DCC: variants seen among roughly 807,000 people sequenced by gnomAD.
DCC encodes the protein netrin receptor DCC.
DCC carries 58 observed loss-of-function variants against 172.5 expected under a neutral mutation model. The ratio of observed to expected loss-of-function variants is 0.34; its 90% CI spans 0.27 to 0.42. DCC has a LOEUF of 0.42. Ranked by LOEUF, DCC falls within the 10% of genes least tolerant of loss-of-function variation. The pLI, the probability that DCC is intolerant of heterozygous loss-of-function variation, is 1.00. For missense variants in DCC, 1,740 were observed against 1,791.0 expected (o/e 0.97, Z 0.51); for synonymous variants, 709 against 644.5 (o/e 1.10, Z -1.52).
chr18:53,219,464 C>G (rs761166124), intron 12 of DCC, among the ~76,000 whole-genome samples: 1 of 152,064 alleles, frequency 6.6e-6, no homozygotes, highest in Non-Finnish European at 1.5e-5. Context: ...CCCTTTCCCC[C>G]CAAAACCCCA....
intron 15 of DCC, among the ~76,000 whole-genome samples, chr18:53,366,132 C>G (rs1361806550): frequency 6.6e-6 from 1 of 152,080 alleles, no homozygotes; most frequent in Non-Finnish European, 1.5e-5. Flanking sequence ...TCTTGGCTCA[C>G]TGCAATCTCC....
chr18:52,818,572 G>T (rs1238678309), intron 2 of DCC, among the ~76,000 whole-genome samples: 1 of 152,034 alleles, frequency 6.6e-6, no homozygotes, highest in Non-Finnish European at 1.5e-5. Flanking sequence ...CAAATGGCCT[G>T]CTCTGGGATA....
intron 1 of DCC, among the ~76,000 whole-genome samples, chr18:52,625,496 A>G (rs1450549145): frequency 1.3e-5 from 2 of 152,132 alleles, no homozygotes; most frequent in Admixed American, 1.3e-4. Context: ...GTCCTAGACC[A>G]TCTTCATTGA....
intron 1 of DCC, among the ~76,000 whole-genome samples, chr18:52,615,768 A>G (rs1300561044): frequency 1.3e-5 from 2 of 152,178 alleles, no homozygotes; most frequent in Non-Finnish European, 2.9e-5. Flanking sequence ...AGGAGCCTGT[A>G]AAGATTACTG....
intron 1 of DCC, among the ~76,000 whole-genome samples, chr18:52,725,039 G>A (rs779022908): frequency 2.6e-5 from 4 of 152,178 alleles, no homozygotes; most frequent in Admixed American, 1.3e-4. Context: ...GAACCTACCC[G>A]ATCTCTTTCA....
intron 7 of DCC, among the ~76,000 whole-genome samples, chr18:53,090,205 A>AAAT (rs2042982012): frequency 6.6e-6 from 1 of 152,216 alleles, no homozygotes; most frequent in South Asian, 2.1e-4. Flanking sequence ...AAATACAAGA[A>AAAT]AATGTTCTTA....
At chr18:52,570,993 A>G (rs2033280089) in intron 1 of DCC, among the ~76,000 whole-genome samples, 1 of 152,170 alleles carries the variant, frequency 6.6e-6, no homozygotes, top group African/African-American at 2.4e-5. Flanking sequence ...GGATAAGGAA[A>G]TCTATATGGA....
intron 27 of DCC, among the ~76,000 whole-genome samples, chr18:53,509,468 A>G (rs2144521852): frequency 6.6e-6 from 1 of 152,210 alleles, no homozygotes; most frequent in Non-Finnish European, 1.5e-5. Context: ...TAGCAGATCT[A>G]GAGTAGAGCC....
intron 1 of DCC, among the ~76,000 whole-genome samples, chr18:52,488,770 A>G (rs760266385): frequency 2.0e-5 from 3 of 152,204 alleles, no homozygotes; most frequent in Non-Finnish European, 4.4e-5. Context: ...GGCATCTATA[A>G]GACTGTTTTA....
intron 1 of DCC, among the ~76,000 whole-genome samples, chr18:52,541,944 C>A: frequency 7.5e-6 from 1 of 133,962 alleles, no homozygotes; most frequent in Non-Finnish European, 1.6e-5. Flanking sequence ...AAGACTTAGA[C>A]TATATAAAAT....
chr18:53,149,100 A>T (rs1196563811), intron 7 of DCC, among the ~76,000 whole-genome samples: 1 of 151,794 alleles, frequency 6.6e-6, no homozygotes, highest in Non-Finnish European at 1.5e-5. Context: ...TGACCTCGTG[A>T]TCCACCCGCC....
chr18:52,380,441 C>A (rs765388779), intron 1 of DCC, among the ~76,000 whole-genome samples: 1 of 152,046 alleles, frequency 6.6e-6, no homozygotes, highest in Non-Finnish European at 1.5e-5. Flanking sequence ...CAAGCACCTA[C>A]GCAATTAGCA....
intron 1 of DCC, among the ~76,000 whole-genome samples, chr18:52,429,493 T>G (rs1987550094): frequency 6.6e-6 from 1 of 152,166 alleles, no homozygotes; most frequent in Non-Finnish European, 1.5e-5. Context: ...TCTAACTTTT[T>G]TTTGACTTAA....
At chr18:52,361,487 T>C (rs1295418710) in intron 1 of DCC, among the ~76,000 whole-genome samples, 1 of 152,240 alleles carries the variant, frequency 6.6e-6, no homozygotes, top group Non-Finnish European at 1.5e-5. Flanking sequence ...AGATGAGAAT[T>C]GTCTCTATAA....
intron 12 of DCC, among the ~76,000 whole-genome samples, chr18:53,250,166 G>T (rs1259632556): frequency 2.6e-5 from 4 of 151,760 alleles, no homozygotes; most frequent in African/African-American, 9.7e-5. Flanking sequence ...TCAAGAAGTA[G>T]CTTTAAGACA....
chr18:52,909,401 T>C (rs990709717), intron 3 of DCC, among the ~76,000 whole-genome samples: 51 of 152,148 alleles, frequency 3.4e-4, no homozygotes, highest in African/African-American at 1.2e-3. Flanking sequence ...GATGAAGTAA[T>C]TTATATCTTG....
intron 12 of DCC, among the ~76,000 whole-genome samples, chr18:53,263,225 C>T (rs965178911): frequency 1.3e-5 from 2 of 152,164 alleles, no homozygotes; most frequent in Admixed American, 1.3e-4. Flanking sequence ...GATCTCAGCT[C>T]ACTGCAGCCT....
chr18:52,928,746 C>T (rs184576868), intron 5 of DCC, among the ~76,000 whole-genome samples: 2 of 152,126 alleles, frequency 1.3e-5, no homozygotes, highest in Admixed American at 1.3e-4. Flanking sequence ...AAGTGAGAAA[C>T]AAGAACAGCA....
At chr18:53,003,691 A>G (rs978490948) in intron 5 of DCC, among the ~76,000 whole-genome samples, 5 of 151,922 alleles carry the variant, frequency 3.3e-5, no homozygotes, top group African/African-American at 1.2e-4. Context: ...GTAGGGAGGA[A>G]AAGGAGACTT....
Sources: allele counts gnomAD v4.1 joint callset (sites outside exome capture counted in the v4.1 genomes callset), GRCh38; gene constraint gnomAD v4.1.1; transcripts MANE v1.5; gene names NCBI Gene and HGNC (gene_info 2026-07-23, HGNC 2026-07-21).